GART: variants seen among roughly 807,000 people sequenced by gnomAD.
GART encodes trifunctional purine biosynthetic protein adenosine-3.
GART carries 43 observed loss-of-function variants against 107.2 expected under a neutral mutation model. The observed-to-expected ratio is 0.40, with a 90% CI of 0.31 to 0.52. GART has a LOEUF of 0.52. Among genes scored for constraint, GART ranks in the 20% least tolerant of loss-of-function variants. The pLI is 0.52. For missense variants in GART, 1,107 were observed against 1,206.5 expected, an observed-to-expected ratio of 0.92 and a Z score of 1.22; for synonymous variants, 434 against 427.0, an observed-to-expected ratio of 1.02 and a Z score of -0.20.
chr21:33,505,331 A>T (rs1029299496), intron 20 of GART, among the ~76,000 whole-genome samples: 2 of 152,246 alleles, frequency 1.3e-5, no homozygotes, highest in African/African-American at 4.8e-5. Context: ...CAGCAAGCCA[A>T]AGTAAATGGA....
intron 16 of GART, 52 bp from the exon 17 acceptor site, chr21:33,511,510 T>G: frequency 6.6e-7 from 1 of 1,509,024 alleles, no homozygotes; most frequent in Non-Finnish European, 9.2e-7. Flanking sequence ...TCACACAAAG[T>G]ACAAAAGTAT....
chr21:33,536,248 G>A (rs534058160), intron 2 of GART, among the ~76,000 whole-genome samples: 2 of 152,248 alleles, frequency 1.3e-5, no homozygotes, highest in East Asian at 1.9e-4. Flanking sequence ...ACTCAATGAC[G>A]CTTTTAAGAG....
chr21:33,514,924 G>C (rs773157558), intron 16 of GART, among the ~76,000 whole-genome samples: 1 of 152,014 alleles, frequency 6.6e-6, no homozygotes, highest in African/African-American at 2.4e-5. Flanking sequence ...AGTTCTCTCC[G>C]AGCTTCACAT....
rs763808788 is a variant in GART, at chr21:33,524,783, G to A, written c.1284C>T (p.Phe428=). Reference sequence around the variant, plus strand: ...TAGAGTTTTACCTGGGCTGCTGGAGGAAAGCTATGGCACGAAAGCCGACGT... The same window carrying A: ...TAGAGTTTTACCTGGGCTGCTGGAGAAAAGCTATGGCACGAAAGCCGACGT... The part of the protein sequence containing the change: ...RKDVGFRAIA[F]LQQPRSLTYK... The change falls in exon 11 of 22, where the codon TTC becomes TTT. Residue 428 remains phenylalanine (F), a synonymous_variant. Transcript: ENST00000381815. 2.5e-6 allele frequency: 4 copies of A among 1,614,232 alleles called. No individual in the cohort carries two copies. Among genetic ancestry groups the A allele is most frequent in the South Asian group, 1.1e-5 (1 of 91,090 alleles).
At chr21:33,506,147 C>T (rs995493580) in intron 18 of GART, 43 bp from the exon 19 acceptor site, 15 of 1,252,186 alleles carry the variant, frequency 1.2e-5, no homozygotes, top group South Asian at 1.5e-5. Context: ...ACTACTACTT[C>T]TTTTTTTTTT....
intron 2 of GART, among the ~76,000 whole-genome samples, chr21:33,535,809 C>T (rs1156473518): frequency 7.2e-5 from 11 of 152,094 alleles, no homozygotes; most frequent in African/African-American, 2.7e-4. Flanking sequence ...GGGTGGATCA[C>T]CTAAGGTCAG....
At chr21:33,540,847 T>C (rs779872470) in intron 1 of GART, among the ~76,000 whole-genome samples, 1 of 152,184 alleles carries the variant, frequency 6.6e-6, no homozygotes, top group African/African-American at 2.4e-5. Context: ...AAAATGCTTG[T>C]CATGAAAGAA....
intron 10 of GART, among the ~76,000 whole-genome samples, chr21:33,527,243 G>A (rs1458552965): frequency 6.6e-6 from 1 of 152,148 alleles, no homozygotes; most frequent in Non-Finnish European, 1.5e-5. Flanking sequence ...TGGAGGCTGG[G>A]CATGGTGGCT....
At chr21:33,505,210 G>C (rs1467679567) in intron 20 of GART, among the ~76,000 whole-genome samples, 1 of 152,094 alleles carries the variant, frequency 6.6e-6, no homozygotes, top group African/African-American at 2.4e-5. Flanking sequence ...ACTCTCTTTT[G>C]CTTCCAAACA....
chr21:33,514,451 T>G (rs1170619289), intron 16 of GART, among the ~76,000 whole-genome samples: 2 of 152,176 alleles, frequency 1.3e-5, no homozygotes, highest in Non-Finnish European at 2.9e-5. Flanking sequence ...ACTTTCAGTT[T>G]CTTAATGAGG....
At chr21:33,508,127 C>T (rs1341739978) in intron 18 of GART, among the ~76,000 whole-genome samples, 4 of 151,966 alleles carry the variant, frequency 2.6e-5, no homozygotes, top group Non-Finnish European at 2.9e-5. Context: ...TTGCTGCAAA[C>T]GACGTGGTTT....
intron 16 of GART, among the ~76,000 whole-genome samples, chr21:33,515,688 A>G (rs1455614694): frequency 6.6e-6 from 1 of 151,566 alleles, no homozygotes; most frequent in Admixed American, 6.6e-5. Flanking sequence ...AAAAACAAAA[A>G]ACAAAAAAGA....
chr21:33,512,992 T>G (rs1435874396), intron 16 of GART, among the ~76,000 whole-genome samples: 1 of 151,818 alleles, frequency 6.6e-6, no homozygotes, highest in Non-Finnish European at 1.5e-5. Flanking sequence ...CTCGACTCAC[T>G]GCAACCTCCG....
chr21:33,509,568 C>A, intron 18 of GART: 1 of 402,550 alleles, frequency 2.5e-6, no homozygotes, highest in Admixed American at 4.2e-5. Context: ...TCTCTTTAAC[C>A]AGCTTTCTGA....
chr21:33,521,662 T>TAAATACTA (rs1220795269), intron 12 of GART, among the ~76,000 whole-genome samples: 2 of 143,796 alleles, frequency 1.4e-5, no homozygotes, highest in African/African-American at 5.2e-5. Flanking sequence ...AGGAAGTAAT[T>TAAATACTA]AAATACTAAA....
intron 12 of GART, 44 bp downstream of exon 12, chr21:33,522,144 T>C (rs376911251): frequency 1.3e-5 from 18 of 1,365,236 alleles, no homozygotes; most frequent in Non-Finnish European, 1.9e-5. Flanking sequence ...CCATTCACAA[T>C]GTATATCAAA....
intron 17 of GART, 70 bp from the exon 18 acceptor site, chr21:33,509,990 A>G: frequency 7.1e-7 from 1 of 1,405,216 alleles, no homozygotes; most frequent in Non-Finnish European, 9.7e-7. Context: ...GGAAAGAAAA[A>G]TATTTTATGA....
At chr21:33,542,865 C>T (rs529706662), upstream of GART, 3 of 588,314 alleles carry the variant, frequency 5.1e-6, no homozygotes, top group Non-Finnish European at 6.1e-6. Context: ...CGGACATAGT[C>T]GTGCGCGGCG....
chr21:33,510,921 GATACAGTACT>G (rs1364942602), intron 17 of GART, among the ~76,000 whole-genome samples: 3 of 152,154 alleles, frequency 2.0e-5, no homozygotes, highest in Admixed American at 6.6e-5. Flanking sequence ...AGTCCTGACT[GATACAGTACT>G]TGTCAGGGTG....
Sources: gnomAD v4.1 joint callset for allele counts (sites outside exome capture counted in the v4.1 genomes callset) on GRCh38, gnomAD v4.1.1 for gene constraint, MANE v1.5 for transcripts, NCBI Gene and HGNC (gene_info 2026-07-23, HGNC 2026-07-21) for gene names.